The following RCOR1 variants were observed in gnomAD, a reference collection of about 807,000 sequenced individuals.
RCOR1 encodes REST corepressor 1.
In RCOR1, 12 loss-of-function variants were observed where a neutral mutation model predicts 64.0. The observed-to-expected ratio is 0.19, with a 90% confidence interval of 0.12 to 0.30. The LOEUF (loss-of-function observed/expected upper bound fraction) is 0.30. Ranked by LOEUF, RCOR1 falls within the 10% of genes least tolerant of loss-of-function variation. RCOR1 has a pLI of 1.00. For missense variants in RCOR1, 502 were observed against 621.2 expected, an observed-to-expected ratio of 0.81 and a Z score of 2.04; for synonymous variants, 279 against 227.2, an observed-to-expected ratio of 1.23 and a Z score of -2.05.
At chr14:102,685,161 A>G (rs188042928) in intron 3 of RCOR1, among the ~76,000 whole-genome samples, 63 of 152,006 alleles carry the variant, frequency 4.1e-4, no homozygotes, top group African/African-American at 1.5e-3. Flanking sequence ...GTTATGTTGT[A>G]ATTATAAAAA....
chr14:102,639,828 G>T (rs1894328756), intron 2 of RCOR1, among the ~76,000 whole-genome samples: 1 of 104,112 alleles, frequency 9.6e-6, no homozygotes, highest in Non-Finnish European at 2.0e-5. Context: ...ACTGAGCTCA[G>T]CCTATTCATT....
chr14:102,721,268 A>G (rs1896163584), intron 9 of RCOR1, 52 bp from the exon 10 acceptor site: 2 of 1,479,608 alleles, frequency 1.4e-6, no homozygotes, highest in East Asian at 2.3e-5. Context: ...GCTCATAAGG[A>G]CATACTCATC....
At chr14:102,649,476 C>T (rs777356940) in intron 2 of RCOR1, among the ~76,000 whole-genome samples, 22 of 152,200 alleles carry the variant, frequency 1.4e-4, no homozygotes, top group Admixed American at 2.6e-4. Flanking sequence ...GTTTTCCCAT[C>T]CTCTCTTGTA....
At chr14:102,633,249 C>T (rs1894165385) in intron 2 of RCOR1, among the ~76,000 whole-genome samples, 1 of 152,104 alleles carries the variant, frequency 6.6e-6, no homozygotes, top group South Asian at 2.1e-4. Context: ...TGGTTACAAA[C>T]ACCGAAAGTA....
At chr14:102,672,990 T>C (rs1343590112) in intron 2 of RCOR1, among the ~76,000 whole-genome samples, 1 of 152,240 alleles carries the variant, frequency 6.6e-6, no homozygotes, top group Non-Finnish European at 1.5e-5. Context: ...CATCAAATCA[T>C]ACAGTGAAGG....
At chr14:102,596,323 G>A (rs1315190424) in intron 2 of RCOR1, among the ~76,000 whole-genome samples, 1 of 152,020 alleles carries the variant, frequency 6.6e-6, no homozygotes, top group Non-Finnish European at 1.5e-5. Context: ...GGCTGGTCTG[G>A]AACTCCTGAA....
chr14:102,605,726 A>C (rs959569635), intron 2 of RCOR1, among the ~76,000 whole-genome samples: 18 of 152,306 alleles, frequency 1.2e-4, no homozygotes, highest in African/African-American at 4.1e-4. Context: ...AAAAATTATC[A>C]GTTTGCTGTA....
intron 2 of RCOR1, among the ~76,000 whole-genome samples, chr14:102,632,424 C>G (rs961299913): frequency 1.3e-5 from 2 of 150,090 alleles, no homozygotes; most frequent in African/African-American, 4.9e-5. Context: ...TCAACGTGTT[C>G]TCGATGTCCT....
Position 102,722,294 on chromosome 14 carries a change from A to G in RCOR1, c.1297A>G (p.Ile433Val). The G allele has an allele frequency of 1.9e-6, 3 of 1,614,124 alleles. No homozygotes were observed. Among genetic ancestry groups the G allele is most frequent in the Non-Finnish European group, 2.5e-6 (3 of 1,179,944 alleles). The change falls in exon 11 of 12, where the codon ATA becomes GTA. Residue 433 changes from isoleucine to valine, a missense_variant. By Grantham distance (29) the Ile-to-Val change is conservative (BLOSUM62 3). This residue lies in a region of RCOR1 where 260 missense variants were observed against 416.4 expected (regional missense o/e 0.62). Transcript: ENST00000262241. Reference sequence around the variant, plus strand: ...TGTAAATTATCGACGCCGCTTCAACATAGATGAAGTTTTACAAGAATGGGA... The same window carrying G: ...TGTAAATTATCGACGCCGCTTCAACGTAGATGAAGTTTTACAAGAATGGGA... ...FFVNYRRRFN[I>V]DEVLQEWEAE...
intron 3 of RCOR1, among the ~76,000 whole-genome samples, chr14:102,697,723 A>ATTT (rs1347240556): frequency 1.4e-5 from 2 of 140,932 alleles, no homozygotes; most frequent in Admixed American, 7.2e-5. Flanking sequence ...TCTTCCAAGA[A>ATTT]TTTTTTTTTT....
chr14:102,601,362 C>T (rs1893393506), intron 2 of RCOR1, among the ~76,000 whole-genome samples: 1 of 152,206 alleles, frequency 6.6e-6, no homozygotes, highest in East Asian at 1.9e-4. Context: ...CAGCTAAAGC[C>T]TCATTCCCGC....
At chr14:102,670,543 C>T (rs983388209) in intron 2 of RCOR1, among the ~76,000 whole-genome samples, 5 of 151,896 alleles carry the variant, frequency 3.3e-5, no homozygotes, top group Non-Finnish European at 5.9e-5. Flanking sequence ...TTATACTTTT[C>T]AGCTTCAGTT....
chr14:102,722,605 C>T (rs1472291426), intron 11 of RCOR1, among the ~76,000 whole-genome samples, 189 bp downstream of exon 11: 1 of 152,224 alleles, frequency 6.6e-6, no homozygotes, highest in East Asian at 1.9e-4. Context: ...ATATTATTCA[C>T]ATGTTAATTT....
chr14:102,636,439 C>A (rs1256718571), intron 2 of RCOR1, among the ~76,000 whole-genome samples: 3 of 151,630 alleles, frequency 2.0e-5, no homozygotes, highest in South Asian at 2.1e-4. Flanking sequence ...CACCACACCC[C>A]GCTAACTTTT....
At chr14:102,706,443 A>G (rs1048836316) in intron 4 of RCOR1, among the ~76,000 whole-genome samples, 2 of 152,170 alleles carry the variant, frequency 1.3e-5, no homozygotes, top group Admixed American at 1.3e-4. Context: ...GTCAAAATAG[A>G]CTTTAAATTT....
intron 2 of RCOR1, among the ~76,000 whole-genome samples, chr14:102,630,269 C>T (rs11627756): frequency 0.63 from 95,214 of 151,956 alleles, 30,921 homozygotes; most frequent in South Asian, 0.72. Context: ...GGCCATGTGA[C>T]CTCTTCACAT....
At chr14:102,661,819 C>T (rs1020729846) in intron 2 of RCOR1, among the ~76,000 whole-genome samples, 13 of 152,102 alleles carry the variant, frequency 8.5e-5, no homozygotes, top group African/African-American at 2.2e-4. Flanking sequence ...TGCAATGGCA[C>T]GATCATGGCT....
intron 2 of RCOR1, among the ~76,000 whole-genome samples, chr14:102,654,086 C>T (rs900428502): frequency 2.0e-4 from 30 of 148,532 alleles, no homozygotes; most frequent in Admixed American, 1.6e-3. Context: ...CCCGGGTTCA[C>T]GCCATTCTCC....
chr14:102,722,242 A>G lies in RCOR1; in HGVS notation c.1245A>G (p.Lys415=), dbSNP rs1348748986. The G allele has an allele frequency of 6.2e-7, 1 of 1,614,222 alleles. No homozygotes were observed. The highest frequency in any genetic ancestry group is 1.1e-5 in the South Asian group (1 of 91,088). Residue 415 remains lysine (K), a synonymous_variant, in exon 11 of 12, where the codon AAA becomes AAG. Coordinates refer to ENST00000262241, the MANE Select transcript of RCOR1 (RefSeq NM_015156.4). The part of the protein sequence containing the change: ...FQAISDVIGN[K]SVVQVKNFFV... ...CAATCTCAGACGTGATTGGGAACAA[A>G]TCAGTGGTACAAGTGAAAAACTTTT...
Sources: gnomAD v4.1 joint callset for allele counts (sites outside exome capture counted in the v4.1 genomes callset) on GRCh38, gnomAD v4.1.1 for gene constraint, gnomAD v4.1.1 regional missense constraint, MANE v1.5 for transcripts, NCBI Gene and HGNC (gene_info 2026-07-23, HGNC 2026-07-21) for gene names.